Variants in SVIL observed in about 807,000 individuals in gnomAD.
The protein encoded by SVIL is supervillin, also known as archvillin.
A neutral mutation model predicts 240.4 loss-of-function variants in SVIL; 101 were observed. The ratio of observed to expected loss-of-function variants is 0.42; its 90% confidence interval spans 0.36 to 0.50. SVIL has a LOEUF of 0.50. Ranked by LOEUF, SVIL falls within the 20% of genes least tolerant of loss-of-function variation. The probability of loss-of-function intolerance (pLI) is 0.01; values close to 1 mark genes in which losing one functional copy is unlikely to be tolerated. For missense variants in SVIL, 2,512 were observed against 2,818.7 expected, an observed-to-expected ratio of 0.89 and a Z score of 2.46; for synonymous variants, 999 against 1,100.0, an observed-to-expected ratio of 0.91 and a Z score of 1.82.
chr10:29,682,028 A>C (rs893462956), intron 2 of SVIL, among the ~76,000 whole-genome samples: 2 of 152,126 alleles, frequency 1.3e-5, no homozygotes, highest in Non-Finnish European at 2.9e-5. Context: ...CCCTCAGCCC[A>C]TCAGAGAGTT....
intron 2 of SVIL, among the ~76,000 whole-genome samples, chr10:29,666,207 C>T (rs1197864629): frequency 2.6e-5 from 4 of 152,270 alleles, no homozygotes; most frequent in East Asian, 3.9e-4. Flanking sequence ...CGTGAGCCAC[C>T]GTGTACCTGG....
chr10:29,595,003 G>C (rs1956530484), intron 1 of SVIL, among the ~76,000 whole-genome samples: 1 of 152,218 alleles, frequency 6.6e-6, no homozygotes. Context: ...AGAGATGCTG[G>C]TCCTGGAATG....
upstream of SVIL, among the ~76,000 whole-genome samples, chr10:29,635,742 C>A (rs143004026): frequency 1.0e-3 from 153 of 152,318 alleles, no homozygotes; most frequent in African/African-American, 3.5e-3. Context: ...AAAATACTTA[C>A]AATTGTAGGT....
chr10:29,532,171 T>A lies in SVIL; in HGVS notation c.1840A>T (p.Lys614Ter). ...TCAGCCGACCTCTCCACCCGTGATT[T>A]GCTTTGAGAATCAAAGGGCAGAGAG... Reference protein sequence around the residue: ...SANACRRPELKSRVERSAEGP... With the variant: ...SANACRRPEL The change falls in exon 9 of 38, where the codon AAA (lysine) becomes TAA (stop). Residue 614 changes from lysine to a stop codon, truncating the protein, a stop_gained and splice_region_variant. Coordinates refer to ENST00000355867, the MANE Select transcript of SVIL (RefSeq NM_021738.3). LOFTEE classifies it high-confidence loss of function. The A allele has an allele frequency of 6.2e-7, 1 of 1,613,382 alleles. No homozygotes were observed.
At chr10:29,550,019 TAA>T (rs11339067) in intron 6 of SVIL, among the ~76,000 whole-genome samples, 936 of 70,218 alleles carry the variant, frequency 0.013, 8 homozygotes, top group African/African-American at 0.037. Flanking sequence ...ACTTAAAGTA[TAA>T]AAAAAAAAAA....
chr10:29,642,458 AGAAAGAAAGACC>A (rs776767170), intron 3 of SVIL, among the ~76,000 whole-genome samples: 33,146 of 126,470 alleles, frequency 0.26, 4,361 homozygotes, highest in Middle Eastern at 0.35. Context: ...AAAGAAAGAA[AGAAAGAAAGACC>A]GACCCCTAAT....
At chr10:29,690,947 T>C (rs1449100779) in intron 1 of SVIL, among the ~76,000 whole-genome samples, 1 of 152,218 alleles carries the variant, frequency 6.6e-6, no homozygotes, top group Non-Finnish European at 1.5e-5. Flanking sequence ...ATAGTTAATA[T>C]TCAGGGCTAA....
chr10:29,618,436 T>C (rs1957507374), intron 1 of SVIL, among the ~76,000 whole-genome samples: 1 of 152,182 alleles, frequency 6.6e-6, no homozygotes, highest in African/African-American at 2.4e-5. Flanking sequence ...AGGTAGGATT[T>C]TTCTGGATTA....
upstream of SVIL, among the ~76,000 whole-genome samples, chr10:29,638,235 A>T (rs1958373478): frequency 6.6e-6 from 1 of 152,038 alleles, no homozygotes; most frequent in African/African-American, 2.4e-5. Context: ...GCTGTGGCGG[A>T]TGGATTACCT....
At chr10:29,491,292 G>T (rs567970414) in intron 21 of SVIL, among the ~76,000 whole-genome samples, 1 of 152,172 alleles carries the variant, frequency 6.6e-6, no homozygotes, top group East Asian at 1.9e-4. Flanking sequence ...CTTCCGGGCA[G>T]CTCACGGCTC....
chr10:29,555,698 C>A (rs1953862729), intron 3 of SVIL, among the ~76,000 whole-genome samples: 1 of 152,148 alleles, frequency 6.6e-6, no homozygotes, highest in African/African-American at 2.4e-5. Flanking sequence ...AGGCAGAAAT[C>A]TCAGCAACTG....
chr10:29,504,616 T>C (rs1654999577), intron 17 of SVIL, among the ~76,000 whole-genome samples: 1 of 152,148 alleles, frequency 6.6e-6, no homozygotes. Context: ...GCAAATCTCA[T>C]CATTAGAGAC....
chr10:29,459,493 T>A (rs1176923877), intron 36 of SVIL, among the ~76,000 whole-genome samples: 2 of 152,104 alleles, frequency 1.3e-5, no homozygotes, highest in Non-Finnish European at 2.9e-5. Flanking sequence ...TGTTTAAAAA[T>A]AAATATTAAA....
At chr10:29,639,383 A>T (rs948016313), upstream of SVIL, among the ~76,000 whole-genome samples, 7 of 150,384 alleles carry the variant, frequency 4.7e-5, no homozygotes, top group African/African-American at 1.7e-4. Context: ...GTTGGCCAGG[A>T]TGGTCTCGAT....
intron 1 of SVIL, among the ~76,000 whole-genome samples, chr10:29,729,056 G>A (rs1964451080): frequency 6.6e-6 from 1 of 152,132 alleles, no homozygotes; most frequent in African/African-American, 2.4e-5. Context: ...GATGTTTGTG[G>A]GGAGTGGTAC....
At chr10:29,505,416 G>A (rs999682559) in intron 17 of SVIL, among the ~76,000 whole-genome samples, 3 of 152,028 alleles carry the variant, frequency 2.0e-5, no homozygotes, top group Non-Finnish European at 4.4e-5. Context: ...CTAAATGAAA[G>A]AAGCCAATCT....
chr10:29,626,990 C>CTCCA (rs1169804979), intron 1 of SVIL, among the ~76,000 whole-genome samples: 1 of 151,832 alleles, frequency 6.6e-6, no homozygotes, highest in Non-Finnish European at 1.5e-5. Flanking sequence ...CGCCACTGAG[C>CTCCA]TCCAGCCTGG....
chr10:29,575,161 G>T (rs1330163477), intron 1 of SVIL: 1 of 152,386 alleles, frequency 6.6e-6, no homozygotes, highest in African/African-American at 2.4e-5. Context: ...ACTCAAGGGT[G>T]TTTACCATTT....
At chr10:29,544,886 C>A (rs1952500552) in intron 6 of SVIL, 2 of 423,572 alleles carry the variant, frequency 4.7e-6, no homozygotes, top group Admixed American at 2.5e-5. Flanking sequence ...TGGCAGGGAG[C>A]ACAGGTGTTT....
Sources: gnomAD v4.1 joint callset for allele counts (sites outside exome capture counted in the v4.1 genomes callset) on GRCh38, gnomAD v4.1.1 for gene constraint, MANE v1.5 for transcripts, NCBI Gene and HGNC (gene_info 2026-07-23, HGNC 2026-07-21) for gene names.